The following NEK4 variants were observed in gnomAD, a reference collection of about 807,000 sequenced individuals.
NEK4 encodes the protein NIMA related kinase 4.
A neutral mutation model predicts 98.4 loss-of-function variants in NEK4; 86 were observed. The ratio of observed to expected loss-of-function variants is 0.87; its 90% confidence interval spans 0.73 to 1.05. The LOEUF (loss-of-function observed/expected upper bound fraction) is 1.05, where lower values mean the gene tolerates loss of function less well. Among genes scored for constraint, NEK4 ranks in the 50% least tolerant of loss-of-function variants. The pLI is 0.00. For missense variants in NEK4, 898 were observed against 950.3 expected (o/e 0.94, Z 0.72); for synonymous variants, 328 against 342.2 (o/e 0.96, Z 0.46).
chr3:52,763,605 T>C lies in NEK4; in HGVS notation c.686A>G (p.Asp229Gly), dbSNP rs771971349. The change falls in exon 5 of 16, where the codon GAT (aspartate) becomes GGT (glycine). Residue 229 changes from aspartate to glycine, a missense_variant. By Grantham distance (94) the Asp-to-Gly change is moderately conservative. Coordinates refer to ENST00000233027, the MANE Select transcript of NEK4 (RefSeq NM_003157.6). ...CAGTTCTGCCAGCTCTGGGCTGTAA[T>C]CTCTTGGCATTGGTGGCAGCTACAA... The part of the protein sequence containing the change: ...IEGKLPPMPR[D>G]YSPELAELIR... 6.3e-7 allele frequency: 1 copy of C among 1,599,418 alleles called. No homozygotes were observed. The highest frequency in any genetic ancestry group is 8.5e-7 in the Non-Finnish European group (1 of 1,174,118).
chr3:52,730,765 A>G (rs1369875814), intron 15 of NEK4, among the ~76,000 whole-genome samples: 1 of 152,198 alleles, frequency 6.6e-6, no homozygotes, highest in Non-Finnish European at 1.5e-5. Context: ...GCATCTGAGC[A>G]TGGAGCTTTC....
At chr3:52,732,450 C>G (rs1175545982) in intron 15 of NEK4, 1 of 160,712 alleles carries the variant, frequency 6.2e-6, no homozygotes, top group African/African-American at 2.4e-5. Context: ...CCATCTCGGC[C>G]TCCCAAGGTG....
chr3:52,747,894 G>A (rs190308316), intron 8 of NEK4, among the ~76,000 whole-genome samples: 33 of 152,072 alleles, frequency 2.2e-4, no homozygotes, highest in Middle Eastern at 3.4e-3. Flanking sequence ...ACCATGAGCT[G>A]TGATCATGCC....
chr3:52,730,271 G>GT (rs1372457631), intron 15 of NEK4, among the ~76,000 whole-genome samples: 1 of 152,182 alleles, frequency 6.6e-6, no homozygotes, highest in Non-Finnish European at 1.5e-5. Context: ...CATAACTAGT[G>GT]TAAGGAGAAT....
At chr3:52,759,156 A>T (rs1405263067) in intron 6 of NEK4, among the ~76,000 whole-genome samples, 1 of 151,536 alleles carries the variant, frequency 6.6e-6, no homozygotes, top group Admixed American at 6.6e-5. Flanking sequence ...TAATTCCAGC[A>T]CTTTGTTTGG....
At chr3:52,763,757 C>T in intron 4 of NEK4, 133 bp from the exon 5 acceptor site, 1 of 590,652 alleles carries the variant, frequency 1.7e-6, no homozygotes, top group Non-Finnish European at 2.8e-6. Flanking sequence ...TATTAGTCTA[C>T]AGGAAGTGTA....
chr3:52,739,413 A>C lies in NEK4; in HGVS notation c.2299+16T>G. ...GACTCCGTCTAAAAAACAAAAAATA[A>C]TAATAAGCTGATCACCTGAAGGTAG... On this transcript the variant is annotated intron_variant, in intron 14 of 15. Transcript: ENST00000233027. 1.2e-6 allele frequency: 2 copies of C among 1,610,304 alleles called. No individual in the cohort carries two copies.
At chr3:52,746,676 C>A in intron 9 of NEK4, 58 bp downstream of exon 9, 1 of 1,495,052 alleles carries the variant, frequency 6.7e-7, no homozygotes, top group South Asian at 1.3e-5. Context: ...GTTAATTGCT[C>A]TAAATAGAAA....
chr3:52,725,098 A>C (rs1403789016), intron 15 of NEK4, among the ~76,000 whole-genome samples: 1 of 152,228 alleles, frequency 6.6e-6, no homozygotes, highest in Non-Finnish European at 1.5e-5. Context: ...ACATTACAAA[A>C]CAATTAGACT....
At chr3:52,757,677 A>C (rs1431077823) in intron 6 of NEK4, among the ~76,000 whole-genome samples, 2 of 152,258 alleles carry the variant, frequency 1.3e-5, no homozygotes, top group Admixed American at 1.3e-4. Context: ...GTACATCTGC[A>C]GATGAACCAG....
intron 12 of NEK4, among the ~76,000 whole-genome samples, chr3:52,741,889 C>T (rs1366081527): frequency 6.6e-6 from 1 of 151,976 alleles, no homozygotes; most frequent in African/African-American, 2.4e-5. Flanking sequence ...AAGTGATTTT[C>T]CTGCCTCAGC....
intron 15 of NEK4, among the ~76,000 whole-genome samples, chr3:52,734,471 G>A (rs1244824972): frequency 9.8e-6 from 1 of 101,614 alleles, no homozygotes; most frequent in Non-Finnish European, 2.3e-5. Flanking sequence ...AAAAAAGATC[G>A]AGACCATCCT....
chr3:52,729,818 T>C (rs1209872020), intron 15 of NEK4, among the ~76,000 whole-genome samples: 1 of 147,306 alleles, frequency 6.8e-6, no homozygotes, highest in African/African-American at 2.5e-5. Context: ...TCTACAGAAA[T>C]AAAAAGAATT....
chr3:52,761,071 A>C, intron 5 of NEK4, 135 bp from the exon 6 acceptor site: 2 of 585,768 alleles, frequency 3.4e-6, no homozygotes, highest in Non-Finnish European at 5.9e-6. Flanking sequence ...TTTTCTAAAA[A>C]TCTAAGGGGC....
chr3:52,743,041 T>TTA (rs912530426), intron 12 of NEK4, among the ~76,000 whole-genome samples: 2 of 152,174 alleles, frequency 1.3e-5, no homozygotes, highest in Admixed American at 1.3e-4. Context: ...CACCTTGGCC[T>TTA]CCCAAAGTGC....
intron 6 of NEK4, chr3:52,753,581 A>C: frequency 1.8e-6 from 1 of 558,742 alleles, no homozygotes; most frequent in Non-Finnish European, 3.6e-6. Context: ...TCTGAAGCTG[A>C]AAACATTGGC....
At chr3:52,741,371 G>A in intron 13 of NEK4, 40 bp downstream of exon 13, 1 of 1,169,912 alleles carries the variant, frequency 8.5e-7, no homozygotes, top group Non-Finnish European at 1.3e-6. Flanking sequence ...CATTAAAACA[G>A]AAATAGTTTA....
chr3:52,766,132 A>C, intron 3 of NEK4, 46 bp downstream of exon 3: 2 of 1,538,440 alleles, frequency 1.3e-6, no homozygotes, highest in Non-Finnish European at 1.8e-6. Flanking sequence ...AATTACAAGC[A>C]CTCTCCCAGA....
At chr3:52,741,595 G>T (rs186469183) in intron 12 of NEK4, 96 bp from the exon 13 acceptor site, 3 of 712,774 alleles carry the variant, frequency 4.2e-6, no homozygotes, top group African/African-American at 3.5e-5. Context: ...GACACAATAC[G>T]TTCCTAGGTG....
Sources: gnomAD v4.1 joint callset for allele counts (sites outside exome capture counted in the v4.1 genomes callset) on GRCh38, gnomAD v4.1.1 for gene constraint, MANE v1.5 for transcripts, NCBI Gene and HGNC (gene_info 2026-07-23, HGNC 2026-07-21) for gene names.